The following OGDHL variants were observed in gnomAD, a reference collection of about 807,000 sequenced individuals.
OGDHL encodes oxoglutarate dehydrogenase L, also known as 2-oxoglutarate dehydrogenase-like, mitochondrial.
Under a neutral mutation model 109.6 loss-of-function variants are expected in OGDHL, and 79 were observed. That is an observed-to-expected ratio of 0.72 (90% CI 0.60 to 0.87). The LOEUF (loss-of-function observed/expected upper bound fraction) is 0.87. OGDHL is among the 40% of genes least tolerant of loss of function. The pLI is 0.00. For synonymous variants in OGDHL, 528 were observed against 537.2 expected (o/e 0.98, Z 0.24); for missense variants, 1,275 against 1,362.2 (o/e 0.94, Z 1.01).
In OGDHL at chr10:49,751,831, T is replaced by A; in HGVS notation, c.745A>T (p.Met249Leu). The change falls in exon 6 of 23, where the codon ATG (methionine) becomes TTG (leucine). Residue 249 changes from methionine to leucine, a missense_variant. Physicochemically the swap from Met to Leu is conservative, Grantham distance 15 (BLOSUM62 2). Coordinates refer to ENST00000374103, the MANE Select transcript of OGDHL (RefSeq NM_018245.3). ...RTLLARLVRS[M>L]RFEDFLARKW... The stretch of plus-strand genomic sequence containing the variant: ...GGCCCTCCAGGTGGTGCCAACCTCA[T>A]GGAGCGCACTAGCCGGGCCAGCAGG... The A allele has an allele frequency of 6.2e-7, 1 of 1,613,512 alleles. No individual in the cohort carries two copies. The highest frequency in any genetic ancestry group is 8.5e-7 in the Non-Finnish European group (1 of 1,179,842).
chr10:49,745,359 G>A lies in OGDHL; in HGVS notation c.1614C>T (p.Thr538=). ...ADKLIAEGTV[T]LQEFEEEIAK... Reference sequence around the variant, plus strand: ...GCCTGCCCACCTCAAACTCCTGCAGGGTGACTGTGCCCTCGGCAATCAGCT... The same window carrying A: ...GCCTGCCCACCTCAAACTCCTGCAGAGTGACTGTGCCCTCGGCAATCAGCT... Residue 538 remains threonine (T), a synonymous_variant, in exon 12 of 23, where the codon ACC becomes ACT. Coordinates refer to ENST00000374103, the MANE Select transcript of OGDHL (RefSeq NM_018245.3). The A allele has an allele frequency of 6.2e-7, 1 of 1,613,864 alleles. No individual in the cohort carries two copies. The highest frequency in any genetic ancestry group is 8.5e-7 in the Non-Finnish European group (1 of 1,180,028).
At chr10:49,752,330 C>G in intron 4 of OGDHL, 82 bp from the exon 5 acceptor site, 1 of 1,000,406 alleles carries the variant, frequency 1.0e-6, no homozygotes, top group Non-Finnish European at 1.6e-6. Context: ...CGCAGTCTCA[C>G]CAGACCTCCC....
intron 17 of OGDHL, 117 bp from the exon 18 acceptor site, chr10:49,738,379 ACCC>A (rs1278465433): frequency 5.0e-6 from 5 of 1,004,998 alleles, no homozygotes; most frequent in Non-Finnish European, 7.5e-6. Flanking sequence ...AGGTGCCCTC[ACCC>A]TGGAGCCTGA....
rs1841085798 is a variant in OGDHL at position 49,735,440 on chromosome 10, T to A, written c.2910-89A>T. The A allele has an allele frequency of 4.0e-6, 6 of 1,483,002 alleles. No homozygotes were observed. The South Asian group carries it at 5.2e-5, about 13-fold the overall frequency. 91.9% of individuals were successfully genotyped at this position (1,483,002 alleles called of 1,614,324 possible). On this transcript the variant is annotated intron_variant, in intron 22 of 22. Coordinates refer to ENST00000374103, the MANE Select transcript of OGDHL (RefSeq NM_018245.3). ...ACTCCGGGACTGCAGGGGGCACGCA[T>A]CTGAGAACCGCTGACCTCGAAGCCA...
chr10:49,757,130 T>A (rs1029410205), intron 2 of OGDHL, among the ~76,000 whole-genome samples, 184 bp from the exon 3 acceptor site: 38 of 152,156 alleles, frequency 2.5e-4, no homozygotes, highest in Admixed American at 2.4e-3. Flanking sequence ...AAATTGACAA[T>A]GTGAAAACAA....
rs748231079 is a variant in OGDHL, at chr10:49,752,702, G to A, written c.414C>T (p.Gly138=). The change falls in exon 4 of 23, where the codon GGC becomes GGT. Residue 138 remains glycine (G), a synonymous_variant. Transcript: ENST00000374103. ...GHHVAQLDPL[G]ILDADLDSFV... is the part of the protein sequence containing the mutation. ...AGGAGTCCAGGTCTGCATCCAGAAT[G>A]CCCAGGGGGTCCAGCTGGGCCACAT... The A allele has an allele frequency of 6.2e-6, 10 of 1,614,088 alleles. No individual in the cohort carries two copies. The highest frequency in any genetic ancestry group is 8.5e-7 in the Non-Finnish European group (1 of 1,180,040).
chr10:49,740,089 G>T (rs148509912), intron 16 of OGDHL, among the ~76,000 whole-genome samples: 1 of 152,116 alleles, frequency 6.6e-6, no homozygotes, highest in Admixed American at 6.5e-5. Flanking sequence ...TAGGTATCCT[G>T]GGGAGGCAAC....
intron 22 of OGDHL, 64 bp from the exon 23 acceptor site, chr10:49,735,415 A>G: frequency 6.4e-7 from 1 of 1,571,146 alleles, no homozygotes; most frequent in African/African-American, 1.4e-5. Flanking sequence ...CGCTGCCCTC[A>G]CTCCGGGACT....
intron 3 of OGDHL, 113 bp downstream of exon 3, chr10:49,756,660 AAGG>A (rs1842933866): frequency 3.8e-6 from 4 of 1,062,348 alleles, no homozygotes; most frequent in Non-Finnish European, 3.9e-6. Context: ...AGTAGAGGAC[AAGG>A]AGAAGGGCTC....
rs950721530 is a variant in OGDHL at position 49,758,447 on chromosome 10, G to A, written c.146C>T (p.Ser49Phe). The change falls in exon 2 of 23, where the codon TCC (serine) becomes TTC (phenylalanine). Residue 49 changes from serine to phenylalanine, a missense_variant. Ser to Phe is a radical substitution (Grantham distance 155). Transcript: ENST00000374103. ...TFPSSKGGGGSSYMEEMYFAW... is the reference protein window; with the variant it reads ...TFPSSKGGGGFSYMEEMYFAW... ...GAAGTACATCTCCTCCATGTAACTG[G>A]AGCCGCCTCCACCTTTGCTGCTTGG... The A allele has an allele frequency of 1.2e-6, 2 of 1,613,876 alleles. No homozygotes were observed. The highest frequency in any genetic ancestry group is 1.1e-5 in the South Asian group (1 of 91,062).
intron 3 of OGDHL, among the ~76,000 whole-genome samples, chr10:49,755,618 T>A (rs1212988876): frequency 6.6e-6 from 1 of 152,176 alleles, no homozygotes. Context: ...GCTACTCGCC[T>A]GTAAGGGGCT....
intron 22 of OGDHL, 47 bp from the exon 23 acceptor site, chr10:49,735,398 C>A: frequency 6.3e-7 from 1 of 1,594,826 alleles, no homozygotes; most frequent in Non-Finnish European, 8.5e-7. Context: ...CCTAGCCGCC[C>A]CCCAACCGCT....
At chr10:49,754,603 G>C (rs1229696729) in intron 3 of OGDHL, among the ~76,000 whole-genome samples, 4 of 151,606 alleles carry the variant, frequency 2.6e-5, no homozygotes, top group Non-Finnish European at 4.4e-5. Flanking sequence ...TGAGTTAATG[G>C]ATCTAGGAAA....
chr10:49,740,875 G>A (rs754351899), intron 15 of OGDHL, 38 bp from the exon 16 acceptor site: 2 of 1,611,818 alleles, frequency 1.2e-6, no homozygotes, highest in African/African-American at 1.3e-5. Flanking sequence ...CAGAGGGCAG[G>A]TGGGCTGGCA....
At chr10:49,746,994 G>GC in intron 9 of OGDHL, 35 bp downstream of exon 9, 4 of 1,610,682 alleles carry the variant, frequency 2.5e-6, no homozygotes, top group Non-Finnish European at 3.4e-6. Context: ...ACCCTGAAGG[G>GC]CCCAGGTCCT....
At chr10:49,746,652 G>A (rs1479710743) in intron 10 of OGDHL, 98 bp downstream of exon 10, 1 of 1,489,590 alleles carries the variant, frequency 6.7e-7, no homozygotes, top group Non-Finnish European at 9.2e-7. Context: ...ACAGCAGTGG[G>A]CTCAGAGCCA....
intron 17 of OGDHL, 22 bp downstream of exon 17, chr10:49,739,639 C>G (rs1841489952): frequency 2.5e-6 from 4 of 1,607,356 alleles, no homozygotes; most frequent in Non-Finnish European, 3.4e-6. Context: ...ACCAAGCCAC[C>G]AGCCACCACC....
chr10:49,755,348 AT>A (rs1350445819), intron 3 of OGDHL, among the ~76,000 whole-genome samples: 1 of 152,190 alleles, frequency 6.6e-6, no homozygotes, highest in Non-Finnish European at 1.5e-5. Flanking sequence ...ATCATGGCAC[AT>A]TTTTTAAGAA....
chr10:49,745,410 C>T lies in OGDHL; in HGVS notation c.1563G>A (p.Val521=). Residue 521 remains valine, a synonymous_variant, in exon 12 of 23, where the codon GTG becomes GTA. Transcript: ENST00000374103. ...PLMYKQIHRQ[V]PVLKKYADKL... ...TGTCTGCGTACTTCTTCAGCACAGG[C>T]ACCTGTCTGTGGATCTGCTTGTACA... The T allele has an allele frequency of 6.2e-7, 1 of 1,614,148 alleles. No individual in the cohort carries two copies. Among genetic ancestry groups the T allele is most frequent in the Non-Finnish European group, 8.5e-7 (1 of 1,180,030 alleles).
Sources: gnomAD v4.1 joint callset for allele counts (sites outside exome capture counted in the v4.1 genomes callset) on GRCh38, gnomAD v4.1.1 for gene constraint, MANE v1.5 for transcripts, NCBI Gene and HGNC (gene_info 2026-07-23, HGNC 2026-07-21) for gene names.